Variants in ST3GAL1 observed in about 807,000 individuals in gnomAD.
ST3GAL1 encodes CMP-N-acetylneuraminate-beta-galactosamide-alpha-2,3-sialyltransferase 1.
Under a neutral mutation model 34.1 loss-of-function variants are expected in ST3GAL1, and 16 were observed. The observed-to-expected ratio is 0.47, with a 90% CI of 0.32 to 0.71. ST3GAL1 has a LOEUF of 0.71. ST3GAL1 is among the 30% of genes least tolerant of loss of function. ST3GAL1 has a pLI of 0.04. For synonymous variants in ST3GAL1, 191 were observed against 184.7 expected, an observed-to-expected ratio of 1.03 and a Z score of -0.28; for missense variants, 353 against 447.4, an observed-to-expected ratio of 0.79 and a Z score of 1.90.
intron 3 of ST3GAL1, among the ~76,000 whole-genome samples, chr8:133,487,027 TCTG>T (rs1328931640): frequency 6.6e-6 from 1 of 152,198 alleles, no homozygotes; most frequent in Non-Finnish European, 1.5e-5. Context: ...CACCATAACT[TCTG>T]CCTCCCGGAT....
chr8:133,560,846 C>A (rs1318796275), intron 1 of ST3GAL1, among the ~76,000 whole-genome samples: 3 of 152,140 alleles, frequency 2.0e-5, no homozygotes, highest in African/African-American at 7.2e-5. Context: ...CCTCTCTGAA[C>A]CTTGGTTTCC....
chr8:133,488,774 A>G (rs1323425793), intron 3 of ST3GAL1, among the ~76,000 whole-genome samples: 1 of 152,184 alleles, frequency 6.6e-6, no homozygotes, highest in East Asian at 1.9e-4. Context: ...GGGAAGCTAC[A>G]GGTATGAAGG....
At chr8:133,499,294 G>A (rs1015061775) in intron 2 of ST3GAL1, 105 bp from the exon 3 acceptor site, 7 of 152,208 alleles carry the variant, frequency 4.6e-5, no homozygotes, top group African/African-American at 1.7e-4. Context: ...CACAGTAAAT[G>A]TTAAGTGCTC....
chr8:133,549,102 A>G (rs1172321782), intron 1 of ST3GAL1, among the ~76,000 whole-genome samples: 1 of 152,248 alleles, frequency 6.6e-6, no homozygotes, highest in Non-Finnish European at 1.5e-5. Context: ...GTTCTATGCC[A>G]TAAGATATAA....
chr8:133,466,102 G>C lies in ST3GAL1; in HGVS notation c.307-12C>G. ...TCCCGCTGGAGCCTCTGTGGGCGGA[G>C]GACAGAAGGTGGTCAACCTGGCTTT... is the stretch of plus-strand genomic sequence containing the variant. On this transcript the variant is annotated splice_polypyrimidine_tract_variant and intron_variant, in intron 5 of 9. Transcript: ENST00000522652. This position sits in a 1 kb window ranked among gnomAD's most constrained non-coding sequence, Gnocchi z 4.4. The C allele has an allele frequency of 6.2e-7, 1 of 1,601,576 alleles. No homozygotes were observed. The highest frequency in any genetic ancestry group is 8.5e-7 in the Non-Finnish European group (1 of 1,171,398).
At chr8:133,473,281 G>A (rs1412323105) in intron 5 of ST3GAL1, among the ~76,000 whole-genome samples, 7 of 152,056 alleles carry the variant, frequency 4.6e-5, no homozygotes, top group African/African-American at 1.7e-4. Context: ...TTTTTAATAC[G>A]GTATTTCCAG....
chr8:133,457,177 T>G lies in ST3GAL1; in HGVS notation c.*2587A>C, dbSNP rs938777817. Reference sequence around the variant, plus strand: ...ATCAGTAAAATGGGAAAGCTGGATTTGGAGGCTGGAAGAGATCTCACAGCT... The same window carrying G: ...ATCAGTAAAATGGGAAAGCTGGATTGGGAGGCTGGAAGAGATCTCACAGCT... On this transcript the variant is annotated 3_prime_UTR_variant, in exon 10 of 10. Coordinates refer to ENST00000522652, the MANE Select transcript of ST3GAL1 (RefSeq NM_173344.3). 6.6e-6 allele frequency: 1 copy of G among 152,198 alleles called. No individual in the cohort carries two copies. The highest frequency in any genetic ancestry group is 1.5e-5 in the Non-Finnish European group (1 of 68,052). The allele number at this position is 152,198 out of a possible 1,614,324, so 9.4% of individuals were successfully genotyped here.
intron 2 of ST3GAL1, among the ~76,000 whole-genome samples, chr8:133,509,109 T>C (rs376619305): frequency 1.1e-3 from 168 of 152,368 alleles, no homozygotes; most frequent in African/African-American, 3.5e-3. Context: ...ATGCAGTTCC[T>C]CAGATGCACT....
In ST3GAL1 at chr8:133,571,477, G is replaced by C. The variant is rs1819567286; in HGVS notation, c.-582+216C>G. Reference sequence around the variant, plus strand: ...TGGGTGGTCGCCGCTGCCAAGGAAGGGGTCTCCCTTCGAATGTCTTCCACT... The same window carrying C: ...TGGGTGGTCGCCGCTGCCAAGGAAGCGGTCTCCCTTCGAATGTCTTCCACT... On this transcript the variant is annotated intron_variant, in intron 1 of 9. Transcript: ENST00000522652. This position sits in a 1 kb window ranked among gnomAD's most constrained non-coding sequence, Gnocchi z 6.7. Among the ~76,000 whole-genome samples, 1 of 151,792 alleles carries C rather than the reference G, an allele frequency of 6.6e-6. No homozygotes were observed. The highest frequency in any genetic ancestry group is 1.5e-5 in the Non-Finnish European group (1 of 67,920).
At chr8:133,498,475 C>A (rs897752006) in intron 3 of ST3GAL1, among the ~76,000 whole-genome samples, 1 of 152,120 alleles carries the variant, frequency 6.6e-6, no homozygotes, top group Non-Finnish European at 1.5e-5. Context: ...GGGCAGGTGC[C>A]CTCAGATCTG....
In ST3GAL1 at chr8:133,469,276, T is replaced by C. The variant is rs1300271626; in HGVS notation, c.307-3186A>G. On this transcript the variant is annotated intron_variant, in intron 5 of 9. Transcript: ENST00000522652. This position sits in a 1 kb window ranked among gnomAD's most constrained non-coding sequence, Gnocchi z 4.3. ...CTCTATCGCCCAGGCTGGAATGCAG[T>C]GGTGCGATCTCGGCTCACTGCAACC... 2.6e-5 allele frequency among the ~76,000 whole-genome samples: 4 copies of C among 152,196 alleles called. 1 individual carries two copies. Among genetic ancestry groups the C allele is most frequent in the Non-Finnish European group, 5.9e-5 (4 of 68,036 alleles).
chr8:133,484,048 G>A (rs371788943), intron 3 of ST3GAL1, among the ~76,000 whole-genome samples: 4 of 152,176 alleles, frequency 2.6e-5, no homozygotes, highest in African/African-American at 7.2e-5. Flanking sequence ...TGAATTGGGG[G>A]TCATCTCTTT....
At chr8:133,532,675 G>A (rs1185649619) in intron 2 of ST3GAL1, among the ~76,000 whole-genome samples, 1 of 152,166 alleles carries the variant, frequency 6.6e-6, no homozygotes, top group Non-Finnish European at 1.5e-5. Context: ...GGGGCGGCTC[G>A]TGTGATGCCA....
chr8:133,513,952 T>G (rs978823119), intron 2 of ST3GAL1, among the ~76,000 whole-genome samples: 1 of 151,264 alleles, frequency 6.6e-6, no homozygotes, highest in Non-Finnish European at 1.5e-5. Context: ...AGAGACTAAA[T>G]GCCCTGAATG....
At chr8:133,562,852 T>TTCTTTC (rs748884767) in intron 1 of ST3GAL1, among the ~76,000 whole-genome samples, 2,792 of 56,806 alleles carry the variant, frequency 0.049, 136 homozygotes, top group African/African-American at 0.11. Context: ...CTTTCTTTCT[T>TTCTTTC]TTTTTTTTTT....
intron 3 of ST3GAL1, among the ~76,000 whole-genome samples, chr8:133,494,265 CTG>C (rs1213566142): frequency 6.6e-6 from 1 of 152,208 alleles, no homozygotes; most frequent in African/African-American, 2.4e-5. Flanking sequence ...TTCTGATACA[CTG>C]TGCCCTGGAA....
At chr8:133,510,434 C>G (rs140711204) in intron 2 of ST3GAL1, among the ~76,000 whole-genome samples, 1 of 152,300 alleles carries the variant, frequency 6.6e-6, no homozygotes, top group Non-Finnish European at 1.5e-5. Context: ...AGTGAGCTTT[C>G]AGAGATAGTC....
intron 3 of ST3GAL1, among the ~76,000 whole-genome samples, chr8:133,485,043 G>A (rs191056791): frequency 7.7e-4 from 118 of 152,328 alleles, no homozygotes; most frequent in African/African-American, 2.7e-3. Context: ...ATTGAGAGTT[G>A]CATCAATCCT....
chr8:133,531,176 T>C (rs1818140942), intron 2 of ST3GAL1, among the ~76,000 whole-genome samples: 1 of 151,608 alleles, frequency 6.6e-6, no homozygotes, highest in Non-Finnish European at 1.5e-5. Context: ...ACTTTTGCTA[T>C]AGTAACATTT....
Sources: allele counts gnomAD v4.1 joint callset (sites outside exome capture counted in the v4.1 genomes callset), GRCh38; gene constraint gnomAD v4.1.1; non-coding constraint Gnocchi (gnomAD v3.1); transcripts MANE v1.5; gene names NCBI Gene and HGNC (gene_info 2026-07-23, HGNC 2026-07-21).